The following DGKI variants were observed in gnomAD, a reference collection of about 807,000 sequenced individuals.
DGKI encodes diacylglycerol kinase iota, also known as DAG kinase iota.
A neutral mutation model predicts 147.5 loss-of-function variants in DGKI; 55 were observed. The ratio of observed to expected loss-of-function variants is 0.37; its 90% CI spans 0.30 to 0.47. DGKI has a LOEUF of 0.47. Among genes scored for constraint, DGKI ranks in the 20% least tolerant of loss-of-function variants. DGKI has a pLI of 1.00. For missense variants in DGKI, 1,007 were observed against 1,323.8 expected, an observed-to-expected ratio of 0.76 and a Z score of 3.71; for synonymous variants, 469 against 477.1, an observed-to-expected ratio of 0.98 and a Z score of 0.22.
At chr7:137,577,082 G>A in intron 17 of DGKI, 140 bp downstream of exon 17, 2 of 686,170 alleles carry the variant, frequency 2.9e-6, no homozygotes, top group South Asian at 3.4e-5. Flanking sequence ...CATAATAAGT[G>A]TAGGTTGAAT....
At chr7:137,570,787 C>T (rs975117789) in intron 19 of DGKI, among the ~76,000 whole-genome samples, 3 of 152,084 alleles carry the variant, frequency 2.0e-5, no homozygotes, top group African/African-American at 7.2e-5. Flanking sequence ...GCAGGTTTCA[C>T]CATGTTGGTC....
intron 10 of DGKI, among the ~76,000 whole-genome samples, chr7:137,602,930 A>C (rs182711909): frequency 7.2e-5 from 11 of 152,054 alleles, no homozygotes; most frequent in Non-Finnish European, 1.3e-4. Flanking sequence ...ATCCCAATCC[A>C]TGCATGCTAC....
intron 14 of DGKI, among the ~76,000 whole-genome samples, chr7:137,584,837 G>T (rs1215477044): frequency 2.0e-5 from 3 of 152,172 alleles, no homozygotes; most frequent in Non-Finnish European, 4.4e-5. Context: ...ATCTCAGGAG[G>T]TTATATTTCT....
chr7:137,825,264 C>T (rs142293927), intron 1 of DGKI, among the ~76,000 whole-genome samples: 4 of 152,222 alleles, frequency 2.6e-5, no homozygotes, highest in East Asian at 1.9e-4. Flanking sequence ...TGCATTTGCA[C>T]GTCTCCAAAA....
chr7:137,567,945 T>C (rs1818647698), intron 19 of DGKI, among the ~76,000 whole-genome samples: 2 of 151,996 alleles, frequency 1.3e-5, no homozygotes, highest in East Asian at 1.9e-4. Context: ...ATGGAAGAGG[T>C]TGTAGGTGGG....
At chr7:137,696,165 T>C (rs1823772947) in intron 1 of DGKI, among the ~76,000 whole-genome samples, 1 of 152,178 alleles carries the variant, frequency 6.6e-6, no homozygotes, top group Non-Finnish European at 1.5e-5. Flanking sequence ...TCAACAAACA[T>C]TTGACAAACT....
chr7:137,659,411 T>C (rs1334214097), intron 3 of DGKI, among the ~76,000 whole-genome samples: 2 of 152,212 alleles, frequency 1.3e-5, no homozygotes, highest in Non-Finnish European at 2.9e-5. Flanking sequence ...TTTGAAGTAG[T>C]TGGATAATAA....
chr7:137,768,645 C>T (rs781375837), intron 1 of DGKI, among the ~76,000 whole-genome samples: 2 of 152,184 alleles, frequency 1.3e-5, no homozygotes, highest in Non-Finnish European at 2.9e-5. Flanking sequence ...GGCAGAATCA[C>T]GCTGTGCCTC....
At chr7:137,797,732 A>C (rs1034089187) in intron 1 of DGKI, among the ~76,000 whole-genome samples, 2 of 152,110 alleles carry the variant, frequency 1.3e-5, no homozygotes, top group Admixed American at 6.5e-5. Flanking sequence ...ACAAAAGAAG[A>C]CAGTAATGAA....
At chr7:137,690,876 C>T (rs1823579566) in intron 1 of DGKI, among the ~76,000 whole-genome samples, 1 of 152,134 alleles carries the variant, frequency 6.6e-6, no homozygotes, top group South Asian at 2.1e-4. Context: ...CAGAGATCAC[C>T]TAGGGAGATC....
chr7:137,804,526 G>T (rs143730121), intron 1 of DGKI, among the ~76,000 whole-genome samples: 1 of 152,200 alleles, frequency 6.6e-6, no homozygotes, highest in African/African-American at 2.4e-5. Flanking sequence ...AAAATTATCT[G>T]TAAGAACAAA....
At chr7:137,604,864 A>C (rs1271209901) in intron 10 of DGKI, among the ~76,000 whole-genome samples, 1 of 152,212 alleles carries the variant, frequency 6.6e-6, no homozygotes, top group Non-Finnish European at 1.5e-5. Flanking sequence ...CCAGGACCTC[A>C]AAGAAAAATC....
At chr7:137,464,598 A>G (rs1436508035) in intron 26 of DGKI, among the ~76,000 whole-genome samples, 4 of 152,212 alleles carry the variant, frequency 2.6e-5, no homozygotes, top group African/African-American at 9.6e-5. Context: ...TCCTGAGAAC[A>G]GCTTGCTATC....
intron 28 of DGKI, among the ~76,000 whole-genome samples, chr7:137,417,687 T>C (rs1034203541): frequency 1.1e-4 from 17 of 152,166 alleles, no homozygotes; most frequent in African/African-American, 4.1e-4. Flanking sequence ...CAGTGTGGTA[T>C]TAAGAGGTGG....
At chr7:137,647,843 G>A (rs1366544062) in intron 5 of DGKI, among the ~76,000 whole-genome samples, 3 of 152,160 alleles carry the variant, frequency 2.0e-5, no homozygotes, top group East Asian at 1.9e-4. Flanking sequence ...ATCCCAATTC[G>A]CATTACAGTA....
intron 6 of DGKI, among the ~76,000 whole-genome samples, chr7:137,637,262 T>A (rs1230065628): frequency 6.6e-6 from 1 of 152,188 alleles, no homozygotes; most frequent in Admixed American, 6.5e-5. Context: ...TACACATAAA[T>A]CTCAACTCCG....
chr7:137,486,355 TA>T (rs1328188787), intron 22 of DGKI, among the ~76,000 whole-genome samples: 2 of 152,168 alleles, frequency 1.3e-5, no homozygotes, highest in African/African-American at 4.8e-5. Context: ...GTGTTAATTT[TA>T]AAAAAAGGTA....
chr7:137,750,107 G>C (rs6944527), intron 1 of DGKI, among the ~76,000 whole-genome samples: 76,411 of 151,990 alleles, frequency 0.5, 21,783 homozygotes, highest in African/African-American at 0.78. Flanking sequence ...GAAACTAAGG[G>C]CAAGAAGAAG....
At chr7:137,419,211 C>CTT (rs1303985138) in intron 28 of DGKI, among the ~76,000 whole-genome samples, 1 of 152,140 alleles carries the variant, frequency 6.6e-6, no homozygotes, top group Non-Finnish European at 1.5e-5. Flanking sequence ...GCATGACATA[C>CTT]AAAATGAAGT....
Sources: gnomAD v4.1 joint callset for allele counts (sites outside exome capture counted in the v4.1 genomes callset) on GRCh38, gnomAD v4.1.1 for gene constraint, MANE v1.5 for transcripts, NCBI Gene and HGNC (gene_info 2026-07-23, HGNC 2026-07-21) for gene names.